Variants in CDH13 observed in about 807,000 individuals in gnomAD.
CDH13 encodes cadherin-13.
Under a neutral mutation model 63.8 loss-of-function variants are expected in CDH13, and 24 were observed. The observed-to-expected ratio is 0.38, with a 90% CI of 0.27 to 0.53. CDH13 has a LOEUF of 0.53. Ranked by LOEUF, CDH13 falls within the 20% of genes least tolerant of loss-of-function variation. The pLI, the probability that CDH13 is intolerant of heterozygous loss-of-function variation, is 0.85. For missense variants in CDH13, 1,049 were observed against 903.1 expected (o/e 1.16, Z -2.07); for synonymous variants, 503 against 355.3 (o/e 1.42, Z -4.67).
intron 4 of CDH13, among the ~76,000 whole-genome samples, chr16:83,175,001 G>C (rs560216672): frequency 8.5e-5 from 13 of 152,214 alleles, no homozygotes; most frequent in East Asian, 3.9e-4. Flanking sequence ...ATTAAAATTT[G>C]AGGTGAGATT....
At chr16:83,709,558 T>A (rs957101845) in intron 10 of CDH13, among the ~76,000 whole-genome samples, 2 of 152,248 alleles carry the variant, frequency 1.3e-5, no homozygotes, top group African/African-American at 4.8e-5. Flanking sequence ...ATGGGCTTTA[T>A]ACATAGCAAA....
chr16:83,420,361 G>A (rs1342475313), intron 6 of CDH13, among the ~76,000 whole-genome samples: 1 of 152,160 alleles, frequency 6.6e-6, no homozygotes, highest in African/African-American at 2.4e-5. Context: ...CTCAAGCAGC[G>A]TTCAGACACA....
chr16:83,361,386 C>T (rs779405100), intron 6 of CDH13, among the ~76,000 whole-genome samples: 6 of 152,068 alleles, frequency 3.9e-5, no homozygotes, highest in Non-Finnish European at 8.8e-5. Context: ...GTTTGTTGTC[C>T]ATTTACTCTG....
chr16:83,241,424 T>C (rs751312802), intron 5 of CDH13, among the ~76,000 whole-genome samples: 20 of 152,222 alleles, frequency 1.3e-4, no homozygotes, highest in Admixed American at 5.9e-4. Flanking sequence ...TCTATAATGA[T>C]TGTGCTATTT....
chr16:83,371,194 A>G (rs753467857), intron 6 of CDH13, among the ~76,000 whole-genome samples: 3 of 152,244 alleles, frequency 2.0e-5, no homozygotes, highest in Admixed American at 1.3e-4. Flanking sequence ...ATACCCAAAT[A>G]AATATAAATC....
chr16:83,353,561 T>C (rs968729710), intron 6 of CDH13, among the ~76,000 whole-genome samples: 1 of 152,276 alleles, frequency 6.6e-6, no homozygotes, highest in African/African-American at 2.4e-5. Flanking sequence ...TCTTCTTTAA[T>C]GTGAATAACT....
intron 8 of CDH13, among the ~76,000 whole-genome samples, chr16:83,644,360 T>C (rs2150807963): frequency 6.6e-6 from 1 of 152,340 alleles, no homozygotes; most frequent in Admixed American, 6.5e-5. Context: ...TTTGACCAAC[T>C]TCACATAAAT....
intron 5 of CDH13, among the ~76,000 whole-genome samples, chr16:83,327,625 A>G (rs1466663004): frequency 6.6e-6 from 1 of 152,230 alleles, no homozygotes; most frequent in African/African-American, 2.4e-5. Context: ...ATGGCTGTTC[A>G]GTAGGCCTGT....
chr16:83,465,857 C>A (rs1483817827), intron 6 of CDH13, among the ~76,000 whole-genome samples: 1 of 152,224 alleles, frequency 6.6e-6, no homozygotes, highest in Non-Finnish European at 1.5e-5. Context: ...CTCTTACTTC[C>A]ATGCCATTTT....
chr16:83,500,274 TTC>T (rs2074242579), intron 7 of CDH13, among the ~76,000 whole-genome samples: 1 of 2,868 alleles, frequency 3.5e-4, no homozygotes, highest in African/African-American at 4.1e-4. Context: ...CTTCTTCTTC[TTC>T]TTCTTCTTCT....
In CDH13 at chr16:83,291,013, A is replaced by G. The variant is rs1270440980; in HGVS notation, c.637-53849A>G. Among the ~76,000 whole-genome samples the G allele has an allele frequency of 3.3e-5, 5 of 152,276 alleles. No individual in the cohort carries two copies. In the Middle Eastern group the frequency reaches 0.01, roughly 311 times the overall value. ...CCTGTCTTTTGTGCACTCATGCAGC[A>G]TGTCACGCAGACCTTTGTTAAAGGT... On this transcript the variant is annotated intron_variant, in intron 5 of 13. Transcript: ENST00000567109.
chr16:83,048,095 A>G (rs968482708), intron 3 of CDH13, among the ~76,000 whole-genome samples: 7 of 152,258 alleles, frequency 4.6e-5, no homozygotes, highest in African/African-American at 1.7e-4. Flanking sequence ...GGGTTAAAAT[A>G]TAATCTGTGT....
At chr16:83,610,080 C>G (rs2150761776) in intron 8 of CDH13, among the ~76,000 whole-genome samples, 1 of 152,302 alleles carries the variant, frequency 6.6e-6, no homozygotes, top group African/African-American at 2.4e-5. Flanking sequence ...GAATAATACT[C>G]CATTCCATGG....
chr16:83,195,805 A>G (rs59514955), intron 4 of CDH13, among the ~76,000 whole-genome samples: 1 of 152,206 alleles, frequency 6.6e-6, no homozygotes, highest in Non-Finnish European at 1.5e-5. Context: ...CAACCCAGAG[A>G]TACAGCCACA....
At chr16:83,346,981 C>A (rs534418864) in intron 6 of CDH13, among the ~76,000 whole-genome samples, 9 of 152,170 alleles carry the variant, frequency 5.9e-5, no homozygotes, top group Non-Finnish European at 8.8e-5. Flanking sequence ...TCTTTCTCAG[C>A]ACCCTCTGGG....
intron 3 of CDH13, among the ~76,000 whole-genome samples, chr16:83,063,109 G>A (rs73596288): frequency 0.015 from 2,322 of 152,092 alleles, 43 homozygotes; most frequent in African/African-American, 0.053. Flanking sequence ...CTACAGGCAC[G>A]TGCCAGCACG....
intron 1 of CDH13, among the ~76,000 whole-genome samples, chr16:82,774,647 T>C (rs1333049772): frequency 6.6e-6 from 1 of 152,256 alleles, no homozygotes; most frequent in East Asian, 1.9e-4. Flanking sequence ...ACCATCACCC[T>C]GTGTTAAAGT....
intron 2 of CDH13, among the ~76,000 whole-genome samples, chr16:82,961,390 C>G (rs996579230): frequency 2.6e-5 from 4 of 152,128 alleles, no homozygotes; most frequent in Non-Finnish European, 5.9e-5. Context: ...ATATGTTGTT[C>G]TTCTTTTCTT....
At position 83,181,489 on chromosome 16, in the gene CDH13, A is replaced by T. The variant is rs140988913; in HGVS notation, c.484-35856A>T. 2.0e-5 allele frequency among the ~76,000 whole-genome samples: 3 copies of T among 152,346 alleles called. No individual in the cohort carries two copies. In the East Asian group the frequency reaches 5.8e-4, roughly 29 times the overall value. ...CTTCTCTAACCACATCTTGGGCTGTAGTACTTGACAATTGGCTTTTCTTCA... is the reference window on the plus strand; with the variant it reads ...CTTCTCTAACCACATCTTGGGCTGTTGTACTTGACAATTGGCTTTTCTTCA... On this transcript the variant is annotated intron_variant, in intron 4 of 13. Transcript: ENST00000567109.
Sources: gnomAD v4.1 joint callset for allele counts (sites outside exome capture counted in the v4.1 genomes callset) on GRCh38, gnomAD v4.1.1 for gene constraint, MANE v1.5 for transcripts, NCBI Gene and HGNC (gene_info 2026-07-23, HGNC 2026-07-21) for gene names.